CLNK: variants seen among roughly 807,000 people sequenced by gnomAD.
CLNK encodes cytokine-dependent hematopoietic cell linker.
Under a neutral mutation model 68.6 loss-of-function variants are expected in CLNK, and 74 were observed. The observed-to-expected ratio is 1.08, with a 90% CI of 0.89 to 1.31. CLNK has a LOEUF of 1.31. Among genes scored for constraint, CLNK ranks in the 50% most tolerant of loss-of-function variants. The pLI is 0.00. For synonymous variants in CLNK, 198 were observed against 172.2 expected (o/e 1.15, Z -1.17); for missense variants, 553 against 515.3 (o/e 1.07, Z -0.71).
chr4:10,512,845 C>G (rs1717652069), intron 16 of CLNK, among the ~76,000 whole-genome samples: 1 of 150,976 alleles, frequency 6.6e-6, no homozygotes. Flanking sequence ...TTTATCCCCC[C>G]CACCATAGGG....
intron 13 of CLNK, among the ~76,000 whole-genome samples, 160 bp from the exon 14 acceptor site, chr4:10,526,082 G>A (rs951033115): frequency 6.6e-6 from 1 of 152,056 alleles, no homozygotes; most frequent in Non-Finnish European, 1.5e-5. Context: ...TGTATTCTAC[G>A]GCTCTTCTGG....
intron 2 of CLNK, among the ~76,000 whole-genome samples, chr4:10,655,577 A>G (rs985860063): frequency 2.6e-5 from 4 of 151,832 alleles, no homozygotes; most frequent in African/African-American, 9.7e-5. Flanking sequence ...AGATCTACCT[A>G]ATAAAACTTG....
chr4:10,589,599 A>G (rs1242800240), intron 3 of CLNK, among the ~76,000 whole-genome samples: 1 of 146,044 alleles, frequency 6.8e-6, no homozygotes, highest in Non-Finnish European at 1.5e-5. Context: ...AGAGCTGCAG[A>G]AACAAAGCAG....
intron 1 of CLNK, among the ~76,000 whole-genome samples, chr4:10,679,890 G>C (rs1318673455): frequency 6.6e-6 from 1 of 152,156 alleles, no homozygotes; most frequent in African/African-American, 2.4e-5. Flanking sequence ...AGGATGTGGA[G>C]AAATAGGAAC....
At chr4:10,542,141 A>T (rs1363094940) in intron 9 of CLNK, 100 bp from the exon 10 acceptor site, 1 of 1,236,082 alleles carries the variant, frequency 8.1e-7, no homozygotes. Flanking sequence ...ACAAATTGTG[A>T]TCAGACTTAT....
chr4:10,597,648 A>G (rs1473831624), intron 3 of CLNK, among the ~76,000 whole-genome samples: 1 of 152,160 alleles, frequency 6.6e-6, no homozygotes, highest in Non-Finnish European at 1.5e-5. Flanking sequence ...ATGATCCATC[A>G]TTCAAATCAT....
the CLNK span, among the ~76,000 whole-genome samples, chr4:10,722,619 A>T: frequency 6.6e-6 from 1 of 152,214 alleles, no homozygotes; most frequent in Non-Finnish European, 1.5e-5. Context: ...ATTACACAAA[A>T]CACACAAACA....
At chr4:10,580,460 A>G (rs1720736997) in intron 4 of CLNK, among the ~76,000 whole-genome samples, 1 of 152,194 alleles carries the variant, frequency 6.6e-6, no homozygotes, top group Non-Finnish European at 1.5e-5. Flanking sequence ...GGATTCCAGA[A>G]GAAGTCATTG....
intron 5 of CLNK, among the ~76,000 whole-genome samples, chr4:10,571,322 GTTGCTTTTTTTTT>G (rs1357438890): frequency 1.6e-5 from 2 of 127,390 alleles, no homozygotes. Flanking sequence ...TGTTGTTGCT[GTTGCTTTTTTTTT>G]TTTTTTTTTT....
At chr4:10,695,601 G>C in the CLNK span, among the ~76,000 whole-genome samples, 1 of 152,140 alleles carries the variant, frequency 6.6e-6, no homozygotes, top group African/African-American at 2.4e-5. Flanking sequence ...TATGATAACA[G>C]AAGCAAGTTA....
At chr4:10,535,251 G>GAAAGAAAGAAAGAAAGAA (rs1577112757) in intron 11 of CLNK, among the ~76,000 whole-genome samples, 1 of 142,212 alleles carries the variant, frequency 7.0e-6, no homozygotes, top group South Asian at 2.2e-4. Context: ...AAGAAAGAAA[G>GAAAGAAAGAAAGAAAGAA]AAAGAAAGAA....
chr4:10,624,593 G>GTTTT (rs10559473), intron 2 of CLNK, among the ~76,000 whole-genome samples: 4 of 122,866 alleles, frequency 3.3e-5, no homozygotes, highest in East Asian at 2.4e-4. Flanking sequence ...CGCCCGGCCA[G>GTTTT]TTTTTTTTTT....
chr4:10,499,124 C>A (rs1358907334), intron 18 of CLNK, among the ~76,000 whole-genome samples: 1 of 152,108 alleles, frequency 6.6e-6, no homozygotes, highest in East Asian at 1.9e-4. Context: ...TACAGACACC[C>A]CTTCCCCTTC....
In CLNK at chr4:10,574,930, TAG is replaced by T. The variant is rs1473700785; in HGVS notation, c.113-3154_113-3153del. ...CACGACCCTCTCACGCGGACCCCCTTAGAGTTGTAAGCCCTTGAAAGGGACAG... is the reference window on the plus strand; with the variant it reads ...CACGACCCTCTCACGCGGACCCCCTTAGTTGTAAGCCCTTGAAAGGGACAG... On this transcript the variant is annotated intron_variant, in intron 4 of 18. Coordinates refer to ENST00000226951, the MANE Select transcript of CLNK (RefSeq NM_052964.4). Among the ~76,000 whole-genome samples, 6 of 152,150 alleles carry T rather than the reference TAG, an allele frequency of 3.9e-5. No homozygotes were observed. The East Asian group carries it at 1.2e-3, about 29-fold the overall frequency.
At chr4:10,671,459 C>T (rs16871931) in intron 1 of CLNK, among the ~76,000 whole-genome samples, 1 of 152,090 alleles carries the variant, frequency 6.6e-6, no homozygotes, top group African/African-American at 2.4e-5. Flanking sequence ...CACAAAGTGT[C>T]ATCAGCAAGA....
At chr4:10,658,204 C>T (rs1274262488) in intron 2 of CLNK, among the ~76,000 whole-genome samples, 1 of 152,226 alleles carries the variant, frequency 6.6e-6, no homozygotes, top group Non-Finnish European at 1.5e-5. Context: ...CTCTTATTAG[C>T]ATCCTGCTCA....
At chr4:10,626,382 C>G (rs192581994) in intron 2 of CLNK, among the ~76,000 whole-genome samples, 1 of 152,172 alleles carries the variant, frequency 6.6e-6, no homozygotes, top group African/African-American at 2.4e-5. Flanking sequence ...AACTCATCTG[C>G]CTTTCCTCTG....
intron 3 of CLNK, among the ~76,000 whole-genome samples, chr4:10,587,259 C>A (rs1721003604): frequency 6.6e-6 from 1 of 152,192 alleles, no homozygotes; most frequent in Admixed American, 6.5e-5. Context: ...AGCCACTGTG[C>A]CTGGCCTCAT....
At chr4:10,553,489 T>C (rs542012389) in intron 8 of CLNK, among the ~76,000 whole-genome samples, 1 of 152,184 alleles carries the variant, frequency 6.6e-6, no homozygotes, top group Admixed American at 6.5e-5. Flanking sequence ...TCTTGCTCTG[T>C]CACCCAGGCT....
Sources: gnomAD v4.1 joint callset for allele counts (sites outside exome capture counted in the v4.1 genomes callset) on GRCh38, gnomAD v4.1.1 for gene constraint, MANE v1.5 for transcripts, NCBI Gene and HGNC (gene_info 2026-07-23, HGNC 2026-07-21) for gene names.